Variants in ZNF197 observed in about 807,000 individuals in gnomAD.
ZNF197 encodes zinc finger protein 197.
ZNF197 carries 14 observed loss-of-function variants against 27.4 expected under a neutral mutation model. The observed-to-expected ratio is 0.51, with a 90% CI of 0.34 to 0.80. The LOEUF (loss-of-function observed/expected upper bound fraction) is 0.80, where lower values mean the gene tolerates loss of function less well. Ranked by LOEUF, ZNF197 falls within the 30% of genes least tolerant of loss-of-function variation. ZNF197 has a pLI of 0.02. For synonymous variants in ZNF197, 415 were observed against 420.0 expected (o/e 0.99, Z 0.15); for missense variants, 1,090 against 1,222.6 (o/e 0.89, Z 1.62).
At chr3:44,629,618 A>G in intron 2 of ZNF197, 74 bp downstream of exon 2, 1 of 1,469,540 alleles carries the variant, frequency 6.8e-7, no homozygotes. Flanking sequence ...CTAGAGGGTG[A>G]TCCTGTGATT....
At chr3:44,627,293 A>T (rs1431557524) in intron 1 of ZNF197, among the ~76,000 whole-genome samples, 2 of 152,222 alleles carry the variant, frequency 1.3e-5, no homozygotes, top group Non-Finnish European at 2.9e-5. Context: ...AAATCACTTC[A>T]CTTACAGGAC....
At chr3:44,628,118 G>T (rs185166348) in intron 1 of ZNF197, among the ~76,000 whole-genome samples, 52 of 152,278 alleles carry the variant, frequency 3.4e-4, no homozygotes, top group Non-Finnish European at 6.8e-4. Flanking sequence ...AAGCAGAGAT[G>T]TAACTAAAAA....
chr3:44,642,753 T>G lies in ZNF197; in HGVS notation c.1623T>G (p.Asp541Glu). 2 of 1,613,686 alleles carry G rather than the reference T, an allele frequency of 1.2e-6. No individual in the cohort carries two copies. Among genetic ancestry groups the G allele is most frequent in the Non-Finnish European group, 1.7e-6 (2 of 1,179,948 alleles). ...CTGGGGAAAAACCCTATAAATGTGATGAATGTGGAAAGACCTTTGCTCAGA... is the reference window on the plus strand; with the variant it reads ...CTGGGGAAAAACCCTATAAATGTGAGGAATGTGGAAAGACCTTTGCTCAGA... ...IHSGEKPYKC[D>E]ECGKTFAQTT... Residue 541 changes from aspartate (D) to glutamate (E), a missense_variant, in exon 6 of 6, where the codon GAT becomes GAG. Physicochemically the swap from Asp to Glu is conservative, Grantham distance 45. Transcript: ENST00000344387.
intron 3 of ZNF197, among the ~76,000 whole-genome samples, chr3:44,631,469 C>G (rs1701992825): frequency 6.6e-6 from 1 of 151,878 alleles, no homozygotes; most frequent in African/African-American, 2.4e-5. Flanking sequence ...GGCGCGATCT[C>G]AGCTCACTGC....
chr3:44,627,459 AAT>A (rs1701735158), intron 1 of ZNF197, among the ~76,000 whole-genome samples: 1 of 152,114 alleles, frequency 6.6e-6, no homozygotes, highest in South Asian at 2.1e-4. Flanking sequence ...TGCTTTTGAA[AAT>A]AGAGTTTCTT....
intron 1 of ZNF197, among the ~76,000 whole-genome samples, chr3:44,625,466 T>C (rs768385097): frequency 6.6e-6 from 1 of 152,208 alleles, no homozygotes; most frequent in African/African-American, 2.4e-5. Flanking sequence ...CTGCTCTTCC[T>C]CAGTCTTGTC....
chr3:44,641,812 T>C, intron 5 of ZNF197, 88 bp from the exon 6 acceptor site: 1 of 1,427,840 alleles, frequency 7.0e-7, no homozygotes, highest in Non-Finnish European at 9.2e-7. Context: ...AAGTGTGCCT[T>C]CCTAGAATGT....
At chr3:44,641,036 T>C (rs572712953) in intron 5 of ZNF197, among the ~76,000 whole-genome samples, 19 of 152,366 alleles carry the variant, frequency 1.2e-4, no homozygotes, top group African/African-American at 4.3e-4. Context: ...ACTTTACTTA[T>C]TAGACAGTTT....
Position 44,629,382 on chromosome 3 carries a change from C to T in ZNF197, c.228C>T (p.Arg76=), listed in dbSNP as rs375484808. The T allele has an allele frequency of 1.9e-6, 3 of 1,613,974 alleles. No homozygotes were observed. In the African/African-American group the frequency reaches 4.0e-5, roughly 22 times the overall value. The change falls in exon 2 of 6, where the codon CGC becomes CGT. Residue 76 remains arginine (R), a synonymous_variant. Coordinates refer to ENST00000344387, the MANE Select transcript of ZNF197 (RefSeq NM_006991.5). ...LCRRWLRPEA[R]TKAQILELLV... ...GCCGGTGGCTGAGACCAGAAGCACG[C>T]ACCAAGGCACAGATCCTGGAGCTGC...
At chr3:44,634,091 C>A (rs1702148391) in intron 5 of ZNF197, among the ~76,000 whole-genome samples, 1 of 152,170 alleles carries the variant, frequency 6.6e-6, no homozygotes, top group Non-Finnish European at 1.5e-5. Flanking sequence ...AAAGAACACA[C>A]AGGAGAGCCA....
chr3:44,645,676 A>G lies in ZNF197; in HGVS notation c.*1456A>G, dbSNP rs187840379. On this transcript the variant is annotated 3_prime_UTR_variant, in exon 6 of 6. Coordinates refer to ENST00000344387, the MANE Select transcript of ZNF197 (RefSeq NM_006991.5). ...GATGATCCCTGCCACAGTCATTGTG[A>G]ATTCTAATCAATATTTCATCATTGC... 5.8e-4 allele frequency: 569 copies of G among 985,444 alleles called. 1 individual carries two copies. In the African/African-American group the frequency reaches 8.8e-3, roughly 15 times the overall value. 61.0% of individuals were successfully genotyped at this position (985,444 alleles called of 1,614,324 possible).
chr3:44,644,455 A>G lies in ZNF197; in HGVS notation c.*235A>G. On this transcript the variant is annotated 3_prime_UTR_variant, in exon 6 of 6. Coordinates refer to ENST00000344387, the MANE Select transcript of ZNF197 (RefSeq NM_006991.5). ...GGATTTTGAGACCAGCCTGACCAACATGGTGAAACCCCATCTCTACTAAAA... is the reference window on the plus strand; with the variant it reads ...GGATTTTGAGACCAGCCTGACCAACGTGGTGAAACCCCATCTCTACTAAAA... The G allele has an allele frequency of 2.9e-6, 3 of 1,019,914 alleles. No individual in the cohort carries two copies. Among genetic ancestry groups the G allele is most frequent in the South Asian group, 5.6e-5 (2 of 35,992 alleles). 63.2% of individuals were successfully genotyped at this position (1,019,914 alleles called of 1,614,324 possible).
intron 5 of ZNF197, 127 bp downstream of exon 5, chr3:44,632,726 T>G (rs1438860875): frequency 9.0e-7 from 1 of 1,112,654 alleles, no homozygotes; most frequent in East Asian, 2.7e-5. Context: ...AAAACCTTCC[T>G]TAACATCGCT....
At chr3:44,628,563 T>C (rs1701799433) in intron 1 of ZNF197, among the ~76,000 whole-genome samples, 2 of 152,232 alleles carry the variant, frequency 1.3e-5, no homozygotes, top group South Asian at 4.1e-4. Flanking sequence ...TTGTTAACTC[T>C]GCGGAACATA....
Position 44,643,292 on chromosome 3 carries a change from T to G in ZNF197, c.2162T>G (p.Phe721Cys), listed in dbSNP as rs1702740559. Reference protein sequence around the residue: ...CGKTFIMSKSFMVHQKLHTQE... With the variant: ...CGKTFIMSKSCMVHQKLHTQE... ...AAAACCTTTATTATGAGCAAAAGTT[T>G]TATGGTCCATCAGAAACTCCATACA... The change falls in exon 6 of 6, where the codon TTT becomes TGT. Residue 721 changes from phenylalanine (F) to cysteine (C), a missense_variant. Coordinates refer to ENST00000344387, the MANE Select transcript of ZNF197 (RefSeq NM_006991.5). 8 of 1,613,860 alleles carry G rather than the reference T, an allele frequency of 5.0e-6. No homozygotes were observed. Among genetic ancestry groups the G allele is most frequent in the African/African-American group, 1.3e-5 (1 of 75,018 alleles).
Position 44,645,250 on chromosome 3 carries a change from A to G in ZNF197, c.*1030A>G, listed in dbSNP as rs960078191. 1.0e-5 allele frequency: 10 copies of G among 985,294 alleles called. No homozygotes were observed. In the African/African-American group the frequency reaches 1.6e-4, roughly 15 times the overall value. The allele number at this position is 985,294 out of a possible 1,614,324, so 61.0% of individuals were successfully genotyped here. On this transcript the variant is annotated 3_prime_UTR_variant, in exon 6 of 6. Transcript: ENST00000344387. Reference sequence around the variant, plus strand: ...TTTTGAAATCATTCAGTTGTCAATAAAGTTGGATAAAAGAGGTTATGGTAA... The same window carrying G: ...TTTTGAAATCATTCAGTTGTCAATAGAGTTGGATAAAAGAGGTTATGGTAA...
chr3:44,632,394 C>T lies in ZNF197; in HGVS notation c.643-79C>T. ...TGCACTCATGGCCTCACAGTGTATC[C>T]CTTCCCCAGAAGTGAAGGGAACCTT... On this transcript the variant is annotated intron_variant, in intron 4 of 5. Transcript: ENST00000344387. The T allele has an allele frequency of 2.6e-6, 4 of 1,539,350 alleles. No individual in the cohort carries two copies. In the South Asian group the frequency reaches 3.8e-5, roughly 15 times the overall value.
rs1380038555 is a variant in ZNF197 at position 44,631,105 on chromosome 3, T to G, written c.434T>G (p.Val145Gly). 6 of 1,613,988 alleles carry G rather than the reference T, an allele frequency of 3.7e-6. No individual in the cohort carries two copies. In the South Asian group the frequency reaches 6.6e-5, roughly 18 times the overall value. Residue 145 changes from valine (V) to glycine (G), a missense_variant, in exon 3 of 6, where the codon GTG becomes GGG. Coordinates refer to ENST00000344387, the MANE Select transcript of ZNF197 (RefSeq NM_006991.5). ...GATCAGGACACTCTCCAGAAGGTGGTGAGTGCCCCAGGAACAACACTTCCT... is the reference window on the plus strand; with the variant it reads ...GATCAGGACACTCTCCAGAAGGTGGGGAGTGCCCCAGGAACAACACTTCCT... ...VKDQDTLQKV[V>G]SAPGTTLPPV...
In ZNF197 at chr3:44,625,160, C is replaced by G. The variant is rs983005899; in HGVS notation, c.-82+17C>G. On this transcript the variant is annotated intron_variant, in intron 1 of 5. Coordinates refer to ENST00000344387, the MANE Select transcript of ZNF197 (RefSeq NM_006991.5). ...GAGCCCCCGGTGAGCGGGGTGGGCTCGGGGGCGGGTGGGCGTGCAGGGAAG... is the reference window on the plus strand; with the variant it reads ...GAGCCCCCGGTGAGCGGGGTGGGCTGGGGGGCGGGTGGGCGTGCAGGGAAG... 8 of 148,094 alleles carry G rather than the reference C, an allele frequency of 5.4e-5. No homozygotes were observed. Among genetic ancestry groups the G allele is most frequent in the South Asian group, 2.4e-4 (1 of 4,180 alleles). The allele number at this position is 148,094 out of a possible 1,614,324, so 9.2% of individuals were successfully genotyped here.
Sources: gnomAD v4.1 joint callset for allele counts (sites outside exome capture counted in the v4.1 genomes callset) on GRCh38, gnomAD v4.1.1 for gene constraint, MANE v1.5 for transcripts, NCBI Gene and HGNC (gene_info 2026-07-23, HGNC 2026-07-21) for gene names.